MARCHF4: variants seen among roughly 807,000 people sequenced by gnomAD.
MARCHF4 encodes the protein membrane associated ring-CH-type finger 4.
A neutral mutation model predicts 43.9 loss-of-function variants in MARCHF4; 14 were observed. That is an observed-to-expected ratio of 0.32 (90% confidence interval 0.21 to 0.50). MARCHF4 has a LOEUF of 0.50. Ranked by LOEUF, MARCHF4 falls within the 20% of genes least tolerant of loss-of-function variation. The pLI is 0.98. For missense variants in MARCHF4, 468 were observed against 536.7 expected (o/e 0.87, Z 1.27); for synonymous variants, 226 against 213.3 (o/e 1.06, Z -0.52).
intron 1 of MARCHF4, among the ~76,000 whole-genome samples, chr2:216,320,927 C>T (rs1691885140): frequency 6.7e-6 from 1 of 150,062 alleles, no homozygotes; most frequent in Admixed American, 6.7e-5. Flanking sequence ...GATACACCTG[C>T]CTCGGCCTCC....
At chr2:216,333,450 C>T (rs1456704430) in intron 1 of MARCHF4, among the ~76,000 whole-genome samples, 1 of 152,136 alleles carries the variant, frequency 6.6e-6, no homozygotes, top group Non-Finnish European at 1.5e-5. Flanking sequence ...GTCATATGAC[C>T]GCACTGGATT....
At chr2:216,288,811 G>T (rs183355728) in intron 1 of MARCHF4, among the ~76,000 whole-genome samples, 1 of 152,236 alleles carries the variant, frequency 6.6e-6, no homozygotes, top group Non-Finnish European at 1.5e-5. Context: ...ATACGAAGGC[G>T]TGTTGAGCTA....
At chr2:216,355,374 C>T (rs1376635804) in intron 1 of MARCHF4, among the ~76,000 whole-genome samples, 1 of 152,064 alleles carries the variant, frequency 6.6e-6, no homozygotes, top group Non-Finnish European at 1.5e-5. Flanking sequence ...CCCCATGTAC[C>T]CAGCACCCAC....
chr2:216,290,464 G>A (rs774306424), intron 1 of MARCHF4, among the ~76,000 whole-genome samples: 2 of 152,222 alleles, frequency 1.3e-5, no homozygotes, highest in African/African-American at 2.4e-5. Flanking sequence ...GGGATCAAGA[G>A]TCAGGGGACA....
Position 216,289,243 on chromosome 2 carries a change from C to T in MARCHF4, c.517-5514G>A, listed in dbSNP as rs1217386173. Among the ~76,000 whole-genome samples, 5 of 131,520 alleles carry T rather than the reference C, an allele frequency of 3.8e-5. No homozygotes were observed. The East Asian group carries it at 8.4e-4, about 22-fold the overall frequency. 86.3% of individuals were successfully genotyped at this position (131,520 alleles called of 152,430 possible). On this transcript the variant is annotated intron_variant, in intron 1 of 3. Transcript: ENST00000273067. ...TTTGTTTTCTTCCCCACCCGCCCCC[C>T]ACCCAAGTTGCTGCCCATAGAGACT...
intron 1 of MARCHF4, among the ~76,000 whole-genome samples, chr2:216,331,670 C>T (rs1427655244): frequency 6.6e-6 from 1 of 152,130 alleles, no homozygotes. Flanking sequence ...CAAGAATTAT[C>T]TAACAAATGA....
chr2:216,315,752 T>A (rs1691763669), intron 1 of MARCHF4, among the ~76,000 whole-genome samples: 1 of 152,124 alleles, frequency 6.6e-6, no homozygotes. Context: ...TACATGTAAC[T>A]TTTACTTTTT....
At chr2:216,353,250 C>CCCAAATTCACTAGAAAATCAAATTAA (rs1692427981) in intron 1 of MARCHF4, among the ~76,000 whole-genome samples, 1 of 152,174 alleles carries the variant, frequency 6.6e-6, no homozygotes, top group South Asian at 2.1e-4. Context: ...AGGGGTTAGC[C>CCCAAATTCACTAGAAAATCAAATTAA]CCAAATTCAC....
At chr2:216,363,716 C>T (rs75837560) in intron 1 of MARCHF4, among the ~76,000 whole-genome samples, 124 of 152,262 alleles carry the variant, frequency 8.1e-4, no homozygotes, top group African/African-American at 2.9e-3. Flanking sequence ...GAAGGGCTTG[C>T]TCTCCCATCA....
chr2:216,306,505 A>G (rs1400515066), intron 1 of MARCHF4, among the ~76,000 whole-genome samples: 1 of 152,190 alleles, frequency 6.6e-6, no homozygotes, highest in Non-Finnish European at 1.5e-5. Context: ...AAGACATTAT[A>G]ATCTTCTGCC....
At chr2:216,270,395 T>C (rs1372989767) in intron 3 of MARCHF4, among the ~76,000 whole-genome samples, 1 of 152,072 alleles carries the variant, frequency 6.6e-6, no homozygotes, top group African/African-American at 2.4e-5. Context: ...TTTTTAACCC[T>C]CTTTTATCAC....
chr2:216,287,291 C>T (rs1691231415), intron 1 of MARCHF4, among the ~76,000 whole-genome samples: 1 of 152,112 alleles, frequency 6.6e-6, no homozygotes, highest in Non-Finnish European at 1.5e-5. Context: ...TGAACAGGCC[C>T]TAGGGTATGG....
chr2:216,296,094 C>T (rs1285867496), intron 1 of MARCHF4, among the ~76,000 whole-genome samples: 3 of 151,992 alleles, frequency 2.0e-5, no homozygotes, highest in African/African-American at 7.3e-5. Flanking sequence ...TGCAGTGAGC[C>T]AAGATCGTGC....
rs766877699 is a variant in MARCHF4, at chr2:216,278,351, G to GAGAGGGAC, written c.673-488_673-487insGTCCCTCT. ...CCATTCTCTTGCCTCAGCCTCCCAA[G>GAGAGGGAC]TAGCTGGGACTACAGGCACCCAACA... On this transcript the variant is annotated intron_variant, in intron 2 of 3. Coordinates refer to ENST00000273067, the MANE Select transcript of MARCHF4 (RefSeq NM_020814.3). Among the ~76,000 whole-genome samples, 73 of 152,304 alleles carry GAGAGGGAC rather than the reference G, an allele frequency of 4.8e-4. No homozygotes were observed. The East Asian group carries it at 0.013, about 27-fold the overall frequency.
chr2:216,320,980 C>A (rs1451960828), intron 1 of MARCHF4, among the ~76,000 whole-genome samples: 1 of 151,486 alleles, frequency 6.6e-6, no homozygotes, highest in Non-Finnish European at 1.5e-5. Context: ...ACCCAGATGC[C>A]TCTTTTTCTT....
At chr2:216,367,624 T>C (rs1692686809) in intron 1 of MARCHF4, among the ~76,000 whole-genome samples, 2 of 152,190 alleles carry the variant, frequency 1.3e-5, no homozygotes, top group Admixed American at 1.3e-4. Context: ...TTTGATCCAG[T>C]CTTAATGCAG....
chr2:216,319,061 A>G (rs1691834627), intron 1 of MARCHF4, among the ~76,000 whole-genome samples: 1 of 152,162 alleles, frequency 6.6e-6, no homozygotes, highest in South Asian at 2.1e-4. Context: ...TAATGCCGGC[A>G]CTTTGCGGGG....
In MARCHF4 at chr2:216,329,028, A is replaced by T. The variant is rs137868600; in HGVS notation, c.516+40717T>A. ...AACAAGAACGAAATTCCGTCTCAGAAAAACAACAAACAAGAAAACAAAACA... is the reference window on the plus strand; with the variant it reads ...AACAAGAACGAAATTCCGTCTCAGATAAACAACAAACAAGAAAACAAAACA... On this transcript the variant is annotated intron_variant, in intron 1 of 3. Coordinates refer to ENST00000273067, the MANE Select transcript of MARCHF4 (RefSeq NM_020814.3). 1.2e-3 allele frequency among the ~76,000 whole-genome samples: 187 copies of T among 152,302 alleles called. 2 individuals are homozygous for T. Among genetic ancestry groups the T allele is most frequent in the African/African-American group, 4.0e-3 (167 of 41,558 alleles).
At chr2:216,354,967 CT>C (rs1692474872) in intron 1 of MARCHF4, among the ~76,000 whole-genome samples, 3 of 121,478 alleles carry the variant, frequency 2.5e-5, no homozygotes, top group East Asian at 5.1e-4. Flanking sequence ...TTCTTTCTTT[CT>C]TTCTTTCTTT....
Sources: gnomAD v4.1 joint callset for allele counts (sites outside exome capture counted in the v4.1 genomes callset) on GRCh38, gnomAD v4.1.1 for gene constraint, MANE v1.5 for transcripts, NCBI Gene and HGNC (gene_info 2026-07-23, HGNC 2026-07-21) for gene names.